DPP6: variants seen among roughly 807,000 people sequenced by gnomAD.
DPP6 encodes the protein A-type potassium channel modulatory protein DPP6.
A neutral mutation model predicts 122.6 loss-of-function variants in DPP6; 69 were observed. The observed-to-expected ratio is 0.56, with a 90% CI of 0.46 to 0.69. DPP6 has a LOEUF of 0.69. DPP6 is among the 30% of genes least tolerant of loss of function. DPP6 has a pLI of 0.00. For missense variants in DPP6, 928 were observed against 1,116.9 expected (o/e 0.83, Z 2.41); for synonymous variants, 418 against 433.1 (o/e 0.97, Z 0.43).
rs138160261 is a variant in DPP6, at chr7:153,922,924, G to A, written c.51+35190G>A. On this transcript the variant is annotated intron_variant, in intron 1 of 25. Transcript: ENST00000404039. ...GCTGGCCCATTTCAGAAAAGGCAAC[G>A]CAGACACCTGCAGTCCCTGACATCA... is the stretch of plus-strand genomic sequence containing the variant. Among the ~76,000 whole-genome samples the A allele has an allele frequency of 9.8e-4, 150 of 152,330 alleles. No individual in the cohort carries two copies. In the Middle Eastern group the frequency reaches 0.01, roughly 10 times the overall value.
intron 1 of DPP6, among the ~76,000 whole-genome samples, chr7:154,153,844 T>G (rs1274633823): frequency 2.6e-5 from 4 of 152,160 alleles, no homozygotes; most frequent in African/African-American, 4.8e-5. Context: ...GGCCATAGTT[T>G]GCTGACTGCC....
chr7:154,450,166 G>C (rs769852273), intron 2 of DPP6, among the ~76,000 whole-genome samples: 6 of 152,118 alleles, frequency 3.9e-5, no homozygotes, highest in Non-Finnish European at 7.3e-5. Context: ...GTGAAGGAAG[G>C]CTGGCATAAA....
At position 154,256,120 on chromosome 7, in the gene DPP6, G is replaced by C. The variant is rs573002043; in HGVS notation, c.244-190094G>C. ...TAGAGGGAAGATATATTCCACTGTA[G>C]ACTCGAACATGATTTGATTAAAGTC... is the stretch of plus-strand genomic sequence containing the variant. On this transcript the variant is annotated intron_variant, in intron 1 of 25. Coordinates refer to ENST00000377770, the MANE Select transcript of DPP6 (RefSeq NM_130797.4). Among the ~76,000 whole-genome samples, 6 of 152,280 alleles carry C rather than the reference G, an allele frequency of 3.9e-5. No individual in the cohort carries two copies. In the East Asian group the frequency reaches 1.2e-3, roughly 29 times the overall value.
At chr7:154,245,402 A>G (rs1801908773) in intron 1 of DPP6, among the ~76,000 whole-genome samples, 1 of 150,672 alleles carries the variant, frequency 6.6e-6, no homozygotes, top group African/African-American at 2.4e-5. Context: ...TTGGAGGCCG[A>G]GGTGGGTGGA....
At chr7:154,310,926 A>G (rs1806817904) in intron 1 of DPP6, among the ~76,000 whole-genome samples, 1 of 152,196 alleles carries the variant, frequency 6.6e-6, no homozygotes, top group Non-Finnish European at 1.5e-5. Context: ...TGCAGTAGGC[A>G]TCATGCACCC....
intron 1 of DPP6, among the ~76,000 whole-genome samples, chr7:153,966,503 TCTC>T (rs770745333): frequency 2.2e-5 from 3 of 137,134 alleles, no homozygotes; most frequent in South Asian, 5.5e-4. Context: ...TTCATCTTCC[TCTC>T]CTCCTGCTCC....
chr7:154,313,748 C>CAA, intron 1 of DPP6, among the ~76,000 whole-genome samples: 1 of 114,640 alleles, frequency 8.7e-6, no homozygotes, highest in African/African-American at 3.3e-5. Context: ...CACACACACA[C>CAA]ACACCCTTAC....
chr7:154,598,492 C>T (rs1416427505), intron 5 of DPP6, among the ~76,000 whole-genome samples: 1 of 152,130 alleles, frequency 6.6e-6, no homozygotes, highest in African/African-American at 2.4e-5. Flanking sequence ...GCTGCCATCC[C>T]GAGTTTGTTG....
intron 1 of DPP6, among the ~76,000 whole-genome samples, chr7:153,945,676 G>A (rs546806331): frequency 6.6e-6 from 1 of 152,192 alleles, no homozygotes; most frequent in African/African-American, 2.4e-5. Context: ...TTATTCATGT[G>A]GATAAAATTG....
At chr7:154,715,021 G>A (rs958943786) in intron 7 of DPP6, among the ~76,000 whole-genome samples, 1 of 150,756 alleles carries the variant, frequency 6.6e-6, no homozygotes, top group African/African-American at 2.4e-5. Flanking sequence ...GAAGAAGAAG[G>A]ACTAATATGA....
chr7:154,468,255 T>C (rs889771953), intron 2 of DPP6, among the ~76,000 whole-genome samples: 5 of 152,186 alleles, frequency 3.3e-5, no homozygotes, highest in African/African-American at 1.2e-4. Flanking sequence ...ATGTCCAGAA[T>C]AGCCAAATGT....
chr7:154,619,329 G>T (rs571050746), intron 5 of DPP6, among the ~76,000 whole-genome samples: 1 of 152,190 alleles, frequency 6.6e-6, no homozygotes, highest in Non-Finnish European at 1.5e-5. Context: ...GCCTCGTAGC[G>T]TTACCTATTG....
At chr7:154,706,240 C>T (rs760725156) in intron 7 of DPP6, among the ~76,000 whole-genome samples, 4 of 152,192 alleles carry the variant, frequency 2.6e-5, no homozygotes, top group East Asian at 1.9e-4. Flanking sequence ...CTCCCTTCCT[C>T]GGAGGATTGT....
intron 16 of DPP6, among the ~76,000 whole-genome samples, chr7:154,829,449 A>G (rs1346334928): frequency 1.2e-5 from 1 of 85,482 alleles, no homozygotes; most frequent in Middle Eastern, 5.8e-3. Context: ...GGGGAGGGGA[A>G]TGGTGGGGAG....
Position 154,358,186 on chromosome 7 carries a change from T to C in DPP6, c.244-88028T>C, listed in dbSNP as rs1411349222. Among the ~76,000 whole-genome samples, 4 of 152,298 alleles carry C rather than the reference T, an allele frequency of 2.6e-5. No homozygotes were observed. In the East Asian group the frequency reaches 7.7e-4, roughly 29 times the overall value. On this transcript the variant is annotated intron_variant, in intron 1 of 25. Transcript: ENST00000377770. The stretch of plus-strand genomic sequence containing the variant: ...AAATGTTTGTATGTCAGCTCAACCA[T>C]AGTTATACTGTGAGGTATACCAGTT...
At chr7:154,019,403 T>A (rs1798590973) in intron 1 of DPP6, among the ~76,000 whole-genome samples, 1 of 152,080 alleles carries the variant, frequency 6.6e-6, no homozygotes, top group South Asian at 2.1e-4. Context: ...TCTCCCTTCC[T>A]TCCCTTTTTT....
chr7:154,372,979 C>G (rs761583097), intron 1 of DPP6, among the ~76,000 whole-genome samples: 2 of 152,128 alleles, frequency 1.3e-5, no homozygotes, highest in Non-Finnish European at 2.9e-5. Context: ...GAGTTCGCGT[C>G]TCTTCCCCTC....
At chr7:154,335,411 A>C (rs1809323664) in intron 1 of DPP6, among the ~76,000 whole-genome samples, 1 of 152,234 alleles carries the variant, frequency 6.6e-6, no homozygotes, top group Non-Finnish European at 1.5e-5. Flanking sequence ...ATATTTTGCC[A>C]CTTATGGGTT....
intron 1 of DPP6, among the ~76,000 whole-genome samples, chr7:154,215,285 A>G (rs889614185): frequency 3.9e-5 from 6 of 152,140 alleles, no homozygotes; most frequent in Non-Finnish European, 5.9e-5. Flanking sequence ...TATCATGAGA[A>G]CAGCATATGG....
Sources: allele counts gnomAD v4.1 joint callset (sites outside exome capture counted in the v4.1 genomes callset), GRCh38; gene constraint gnomAD v4.1.1; transcripts MANE v1.5; gene names NCBI Gene and HGNC (gene_info 2026-07-23, HGNC 2026-07-21).